HTR1F: variants seen among roughly 807,000 people sequenced by gnomAD.
The protein encoded by HTR1F is 5-hydroxytryptamine (serotonin) receptor 1F, G protein-coupled.
Under a neutral mutation model 24.0 loss-of-function variants are expected in HTR1F, and 17 were observed. That is an observed-to-expected ratio of 0.71 (90% CI 0.48 to 1.06). HTR1F has a LOEUF of 1.06. HTR1F is among the 50% of genes least tolerant of loss of function. The pLI, the probability that HTR1F is intolerant of heterozygous loss-of-function variation, is 0.00. For missense variants in HTR1F, 391 were observed against 427.8 expected, an observed-to-expected ratio of 0.91 and a Z score of 0.76; for synonymous variants, 186 against 156.8, an observed-to-expected ratio of 1.19 and a Z score of -1.39.
intron 2 of HTR1F, among the ~76,000 whole-genome samples, chr3:87,930,020 C>G (rs951397104): frequency 6.6e-6 from 1 of 152,136 alleles, no homozygotes; most frequent in Non-Finnish European, 1.5e-5. Flanking sequence ...TTTCACCTCC[C>G]TGGTTAGCTG....
chr3:87,873,543 GA>G (rs1016486166), intron 2 of HTR1F, among the ~76,000 whole-genome samples: 2 of 152,146 alleles, frequency 1.3e-5, no homozygotes, highest in African/African-American at 4.8e-5. Context: ...TGCTGATTCA[GA>G]TGCTAATCTA....
intron 1 of HTR1F, among the ~76,000 whole-genome samples, chr3:87,812,560 A>C (rs1290580124): frequency 6.6e-6 from 1 of 152,212 alleles, no homozygotes; most frequent in African/African-American, 2.4e-5. Flanking sequence ...GAAAAGAAAA[A>C]CCCATTTTCT....
At chr3:87,867,479 A>AGCTC (rs1705455707) in intron 2 of HTR1F, among the ~76,000 whole-genome samples, 1 of 151,900 alleles carries the variant, frequency 6.6e-6, no homozygotes, top group Non-Finnish European at 1.5e-5. Context: ...GCATGGGACA[A>AGCTC]AAACTTTTAA....
intron 2 of HTR1F, among the ~76,000 whole-genome samples, chr3:87,951,234 T>C (rs965973627): frequency 6.6e-6 from 1 of 152,176 alleles, no homozygotes; most frequent in Non-Finnish European, 1.5e-5. Context: ...ATGTCAAGCA[T>C]AATGTCTAAA....
chr3:87,848,913 C>T (rs1398138500), intron 2 of HTR1F, among the ~76,000 whole-genome samples: 2 of 151,448 alleles, frequency 1.3e-5, no homozygotes, highest in Non-Finnish European at 2.9e-5. Flanking sequence ...ATGTGAAGGA[C>T]CTCTTCAAGG....
intron 2 of HTR1F, among the ~76,000 whole-genome samples, chr3:87,894,206 G>A (rs1364561363): frequency 6.6e-6 from 1 of 152,054 alleles, no homozygotes; most frequent in East Asian, 1.9e-4. Context: ...AATCCGCAAA[G>A]TCTGTTGTGT....
rs901029773 is a variant in HTR1F, at chr3:87,932,116, A to G, written c.-42-58592A>G. ...TTGGTGTTTTAGACATGAAGTCCTT[A>G]CCCATGCCTATGTCCTGAATGGTAA... On this transcript the variant is annotated intron_variant, in intron 2 of 2. Transcript: ENST00000319595. Among the ~76,000 whole-genome samples the G allele has an allele frequency of 3.3e-4, 50 of 152,082 alleles. 1 individual carries two copies. The highest frequency in any genetic ancestry group is 7.9e-4 in the African/African-American group (33 of 41,524).
At chr3:87,826,085 G>T (rs1391250505) in intron 2 of HTR1F, among the ~76,000 whole-genome samples, 1 of 152,124 alleles carries the variant, frequency 6.6e-6, no homozygotes, top group Non-Finnish European at 1.5e-5. Flanking sequence ...TTTCCTTCTT[G>T]CATTCTCCTA....
At chr3:87,987,759 T>C (rs902099276) in intron 2 of HTR1F, among the ~76,000 whole-genome samples, 1 of 131,412 alleles carries the variant, frequency 7.6e-6, no homozygotes, top group African/African-American at 2.9e-5. Context: ...ATATGTATTA[T>C]ATATATGTAT....
At chr3:87,905,330 T>C (rs931373391) in intron 2 of HTR1F, among the ~76,000 whole-genome samples, 1 of 151,742 alleles carries the variant, frequency 6.6e-6, no homozygotes, top group African/African-American at 2.4e-5. Context: ...AAAAAAAAGT[T>C]TGTGTAAAAA....
At chr3:87,965,680 A>T (rs956736816) in intron 2 of HTR1F, among the ~76,000 whole-genome samples, 3 of 152,218 alleles carry the variant, frequency 2.0e-5, no homozygotes, top group Non-Finnish European at 4.4e-5. Context: ...TTGCAAGGAG[A>T]TACTAAACAA....
chr3:87,866,567 C>A (rs1436775952), intron 2 of HTR1F, among the ~76,000 whole-genome samples: 2 of 152,174 alleles, frequency 1.3e-5, no homozygotes. Flanking sequence ...TAGAGGGACA[C>A]TTCAGAAAAC....
At position 87,926,983 on chromosome 3, in the gene HTR1F, C is replaced by A. The variant is rs543683438; in HGVS notation, c.-42-63725C>A. ...TTCGGACAGGTGACAAGAAGGGCAA[C>A]AATTGCTGCTTTGGTAGAATCTGCT... On this transcript the variant is annotated intron_variant, in intron 2 of 2. Transcript: ENST00000319595. Among the ~76,000 whole-genome samples, 5 of 152,134 alleles carry A rather than the reference C, an allele frequency of 3.3e-5. 1 individual carries two copies. In the South Asian group the frequency reaches 1.0e-3, roughly 32 times the overall value.
chr3:87,941,161 C>T (rs1704558377), intron 2 of HTR1F, among the ~76,000 whole-genome samples: 1 of 152,192 alleles, frequency 6.6e-6, no homozygotes, highest in South Asian at 2.1e-4. Flanking sequence ...GCCTGGAAAG[C>T]TGCTTCTTCT....
intron 2 of HTR1F, among the ~76,000 whole-genome samples, chr3:87,826,472 T>C (rs1400713963): frequency 6.6e-6 from 1 of 152,222 alleles, no homozygotes; most frequent in Non-Finnish European, 1.5e-5. Context: ...ATAAAGTCCA[T>C]GTCTTTTTAA....
chr3:87,848,425 CA>C (rs1704997877), intron 2 of HTR1F, among the ~76,000 whole-genome samples: 1 of 151,684 alleles, frequency 6.6e-6, no homozygotes, highest in Admixed American at 6.6e-5. Context: ...CCATGCGGAA[CA>C]AGTAATTTGC....
intron 2 of HTR1F, among the ~76,000 whole-genome samples, chr3:87,890,937 G>A (rs1256004116): frequency 6.6e-6 from 1 of 151,704 alleles, no homozygotes; most frequent in Non-Finnish European, 1.5e-5. Context: ...TGCCTCCCGG[G>A]TTCAAGCGAT....
In HTR1F at chr3:87,965,667, CT is replaced by C. The variant is rs1352110598; in HGVS notation, c.-42-25037del. Among the ~76,000 whole-genome samples, 15 of 152,226 alleles carry C rather than the reference CT, an allele frequency of 9.9e-5. No homozygotes were observed. The East Asian group carries it at 2.9e-3, about 29-fold the overall frequency. Reference sequence around the variant, plus strand: ...TGGCGACACACCTTATTTGGAACAACTTTTGCAAGGAGATACTAAACAACCA... The same window carrying C: ...TGGCGACACACCTTATTTGGAACAACTTTGCAAGGAGATACTAAACAACCA... On this transcript the variant is annotated intron_variant, in intron 2 of 2. Transcript: ENST00000319595.
intron 2 of HTR1F, among the ~76,000 whole-genome samples, chr3:87,975,288 C>A (rs1179824516): frequency 6.6e-6 from 1 of 150,800 alleles, no homozygotes; most frequent in Non-Finnish European, 1.5e-5. Context: ...ATCCAAATCT[C>A]AAAAAAAAAT....
Sources: gnomAD v4.1 joint callset for allele counts (sites outside exome capture counted in the v4.1 genomes callset) on GRCh38, gnomAD v4.1.1 for gene constraint, MANE v1.5 for transcripts, NCBI Gene and HGNC (gene_info 2026-07-23, HGNC 2026-07-21) for gene names.